Variants in HNRNPUL1 observed in about 807,000 individuals in gnomAD.
HNRNPUL1 encodes the protein heterogeneous nuclear ribonucleoprotein U-like protein 1.
Under a neutral mutation model 108.5 loss-of-function variants are expected in HNRNPUL1, and 14 were observed. That is an observed-to-expected ratio of 0.13 (90% CI 0.09 to 0.20). The LOEUF (loss-of-function observed/expected upper bound fraction) is 0.20. Ranked by LOEUF, HNRNPUL1 falls within the 10% of genes least tolerant of loss-of-function variation. The probability of loss-of-function intolerance (pLI) is 1.00; values close to 1 mark genes in which losing one functional copy is unlikely to be tolerated. For synonymous variants in HNRNPUL1, 422 were observed against 445.2 expected, an observed-to-expected ratio of 0.95 and a Z score of 0.66; for missense variants, 804 against 1,168.3, an observed-to-expected ratio of 0.69 and a Z score of 4.55.
At chr19:41,299,925 A>G (rs1472585409) in intron 10 of HNRNPUL1, among the ~76,000 whole-genome samples, 1 of 152,088 alleles carries the variant, frequency 6.6e-6, no homozygotes, top group African/African-American at 2.4e-5. Context: ...GTTGGCTATG[A>G]GCCAGGGCCT....
intron 1 of HNRNPUL1, among the ~76,000 whole-genome samples, chr19:41,267,753 C>T (rs1443485512): frequency 6.6e-6 from 1 of 152,224 alleles, no homozygotes; most frequent in Admixed American, 6.5e-5. Context: ...TGCTGCCCAT[C>T]CTAGCTTTCT....
Position 41,268,191 on chromosome 19 carries a change from C to G in HNRNPUL1, c.296-32C>G, listed in dbSNP as rs201692644. On this transcript the variant is annotated intron_variant, in intron 1 of 14. Coordinates refer to ENST00000392006, the MANE Select transcript of HNRNPUL1 (RefSeq NM_007040.6). ...GTCCAGGGTTCTTCATGAACCGCCC[C>G]TCTAATTGGCCATTTTTAATTTTGT... 8.3e-5 allele frequency: 134 copies of G among 1,609,010 alleles called. No homozygotes were observed. In the African/African-American group the frequency reaches 1.6e-3, roughly 19 times the overall value.
At chr19:41,297,879 CTTA>C (rs1250318734) in intron 10 of HNRNPUL1, among the ~76,000 whole-genome samples, 3 of 152,190 alleles carry the variant, frequency 2.0e-5, no homozygotes, top group Admixed American at 2.0e-4. Flanking sequence ...TAACCTGTGT[CTTA>C]TTTGCAGGCC....
chr19:41,290,083 C>T (rs755127349), intron 7 of HNRNPUL1, among the ~76,000 whole-genome samples: 20 of 152,066 alleles, frequency 1.3e-4, no homozygotes, highest in African/African-American at 4.8e-4. Flanking sequence ...CAGAGCTGTG[C>T]CCTGTGAGCA....
intron 10 of HNRNPUL1, among the ~76,000 whole-genome samples, chr19:41,295,699 C>G (rs2036851638): frequency 6.6e-6 from 1 of 152,164 alleles, no homozygotes; most frequent in South Asian, 2.1e-4. Context: ...AAGTGCCTTC[C>G]ATACGTGTAG....
intron 1 of HNRNPUL1, chr19:41,265,460 C>A: frequency 1.6e-6 from 2 of 1,276,414 alleles, no homozygotes; most frequent in Non-Finnish European, 2.1e-6. Context: ...GGAGATTGAA[C>A]TAGGGGGCAC....
At chr19:41,302,208 C>T (rs1236852087) in intron 11 of HNRNPUL1, among the ~76,000 whole-genome samples, 3 of 140,052 alleles carry the variant, frequency 2.1e-5, no homozygotes, top group African/African-American at 8.3e-5. Flanking sequence ...CTTTCTCTCT[C>T]TCTCTGTTTT....
At position 41,292,876 on chromosome 19, in the gene HNRNPUL1, G is replaced by A. The variant is rs1240733989; in HGVS notation, c.1266+365G>A. On this transcript the variant is annotated intron_variant, in intron 8 of 14. Coordinates refer to ENST00000392006, the MANE Select transcript of HNRNPUL1 (RefSeq NM_007040.6). This position sits in a 1 kb window ranked among gnomAD's most constrained non-coding sequence, Gnocchi z 4.1. ...TTTTTTTCTTTAGAGACAGGGTCTC[G>A]CTCTGTCACCCAGGCTGGAGTGCAG... is the stretch of plus-strand genomic sequence containing the variant. Among the ~76,000 whole-genome samples the A allele has an allele frequency of 6.6e-6, 1 of 151,880 alleles. No homozygotes were observed. The highest frequency in any genetic ancestry group is 2.1e-4 in the South Asian group (1 of 4,810).
chr19:41,266,581 C>T (rs546134404), intron 1 of HNRNPUL1, among the ~76,000 whole-genome samples: 5 of 152,238 alleles, frequency 3.3e-5, no homozygotes, highest in African/African-American at 1.2e-4. Context: ...TGAATCACTG[C>T]ACCAGGCCTC....
In HNRNPUL1 at chr19:41,268,334, C is replaced by T; in HGVS notation, c.407C>T (p.Ala136Val). 4 of 1,613,522 alleles carry T rather than the reference C, an allele frequency of 2.5e-6. No individual in the cohort carries two copies. Among genetic ancestry groups the T allele is most frequent in the Non-Finnish European group, 3.4e-6 (4 of 1,179,816 alleles). Residue 136 changes from alanine to valine, a missense_variant, in exon 2 of 15, where the codon GCC (alanine) becomes GTC (valine). Ala to Val is a moderately conservative substitution (Grantham distance 64, BLOSUM62 0). Around this residue, in one of 4 missense-constraint regions of HNRNPUL1, gnomAD observed 256 missense variants for 261.6 expected, o/e 0.98. Coordinates refer to ENST00000392006, the MANE Select transcript of HNRNPUL1 (RefSeq NM_007040.6). Reference sequence around the variant, plus strand: ...CCACTGGAAATGGAGCAGCAGCAGGCCTATCGTCCAGGTAGGAAAATACAC... The same window carrying T: ...CCACTGGAAATGGAGCAGCAGCAGGTCTATCGTCCAGGTAGGAAAATACAC... ...RRPLEMEQQQ[A>V]YRPEMKTEMK...
chr19:41,302,327 T>A, intron 11 of HNRNPUL1: 1 of 358,100 alleles, frequency 2.8e-6, no homozygotes, highest in Non-Finnish European at 5.4e-6. Flanking sequence ...CACCCAGTTC[T>A]CCTGCCTCAG....
intron 4 of HNRNPUL1, among the ~76,000 whole-genome samples, chr19:41,275,237 C>A (rs773581319): frequency 6.6e-6 from 1 of 152,018 alleles, no homozygotes; most frequent in Non-Finnish European, 1.5e-5. Context: ...CCACAGAGGG[C>A]GGTAGGAATA....
At chr19:41,274,398 A>G (rs1011294354) in intron 4 of HNRNPUL1, among the ~76,000 whole-genome samples, 2 of 152,202 alleles carry the variant, frequency 1.3e-5, no homozygotes, top group African/African-American at 4.8e-5. Context: ...AGGGGTTGTC[A>G]TCTAATCAGG....
chr19:41,268,068 C>A, intron 1 of HNRNPUL1, 155 bp from the exon 2 acceptor site: 2 of 633,584 alleles, frequency 3.2e-6, no homozygotes, highest in South Asian at 2.5e-5. Flanking sequence ...GTATCCCAGG[C>A]TCTGGAGTAT....
intron 7 of HNRNPUL1, among the ~76,000 whole-genome samples, chr19:41,291,125 C>T (rs1283842608): frequency 6.6e-6 from 1 of 152,216 alleles, no homozygotes; most frequent in Non-Finnish European, 1.5e-5. Flanking sequence ...AATGTGGTCC[C>T]TGCATGGCTC....
rs1349359130 is a variant in HNRNPUL1, at chr19:41,290,382, T to C, written c.1000-1863T>C. Among the ~76,000 whole-genome samples, 5 of 152,104 alleles carry C rather than the reference T, an allele frequency of 3.3e-5. No individual in the cohort carries two copies. In the South Asian group the frequency reaches 1.0e-3, roughly 32 times the overall value. On this transcript the variant is annotated intron_variant, in intron 7 of 14. Coordinates refer to ENST00000392006, the MANE Select transcript of HNRNPUL1 (RefSeq NM_007040.6). ...CTCTCGTATCCTGCAGCCAAAGCAA[T>C]GTTTCCAAAACACAGTTTTGAGCAG...
chr19:41,282,439 T>C (rs7257825), intron 7 of HNRNPUL1, among the ~76,000 whole-genome samples: 31,218 of 152,052 alleles, frequency 0.21, 3,574 homozygotes, highest in East Asian at 0.34. Flanking sequence ...GCCTCGGCCT[T>C]GCAAAGTACT....
At chr19:41,295,177 G>A (rs976994865) in intron 10 of HNRNPUL1, among the ~76,000 whole-genome samples, 1 of 152,184 alleles carries the variant, frequency 6.6e-6, no homozygotes, top group Admixed American at 6.5e-5. Flanking sequence ...CATGCCAACA[G>A]CAGTGCTGTA....
intron 13 of HNRNPUL1, among the ~76,000 whole-genome samples, chr19:41,304,870 A>G (rs1259711942): frequency 6.6e-6 from 1 of 152,196 alleles, no homozygotes; most frequent in African/African-American, 2.4e-5. Flanking sequence ...CCAGGAGACC[A>G]ATGGATGGTT....
Sources: allele counts gnomAD v4.1 joint callset (sites outside exome capture counted in the v4.1 genomes callset), GRCh38; gene constraint gnomAD v4.1.1; regional missense constraint gnomAD v4.1.1; non-coding constraint Gnocchi (gnomAD v3.1); transcripts MANE v1.5; gene names NCBI Gene and HGNC (gene_info 2026-07-23, HGNC 2026-07-21).